The following OR2T27 variants were observed in gnomAD, a reference collection of about 807,000 sequenced individuals.
OR2T27 encodes olfactory receptor 2T27.
For synonymous variants in OR2T27, 51 were observed against 152.9 expected, an observed-to-expected ratio of 0.33 and a Z score of 4.92; for missense variants, 152 against 397.2, an observed-to-expected ratio of 0.38 and a Z score of 5.25.
Position 248,653,409 on chromosome 1 carries a change from C to T in OR2T27, c.-5+2035G>A, listed in dbSNP as rs1291387203. ...TAACTGTCTATGCATAATTCCAAAC[C>T]TTAGTAAACGTCCAGTTCTATGTAT... On this transcript the variant is annotated intron_variant, in intron 1 of 1. Coordinates refer to ENST00000460972, the MANE Select transcript of OR2T27 (RefSeq NM_001001824.2). 4.9e-5 allele frequency among the ~76,000 whole-genome samples: 7 copies of T among 142,196 alleles called. 1 individual carries two copies. The highest frequency in any genetic ancestry group is 9.4e-5 in the Non-Finnish European group (6 of 63,916). 93.3% of individuals were successfully genotyped at this position (142,196 alleles called of 152,430 possible).
intron 1 of OR2T27, among the ~76,000 whole-genome samples, chr1:248,653,369 C>CAG (rs1661060136): frequency 7.6e-6 from 1 of 132,138 alleles, no homozygotes; most frequent in Non-Finnish European, 1.7e-5. Flanking sequence ...CTGGATTATG[C>CAG]CATGCCCCAT....
At chr1:248,653,362 G>T (rs2103116865) in intron 1 of OR2T27, among the ~76,000 whole-genome samples, 1 of 132,802 alleles carries the variant, frequency 7.5e-6, no homozygotes, top group South Asian at 2.8e-4. Flanking sequence ...GAATCAACTG[G>T]ATTATGCCAT....
chr1:248,651,655 C>G (rs79533811), intron 1 of OR2T27: 1 of 71,370 alleles, frequency 1.4e-5, no homozygotes, highest in African/African-American at 2.8e-5. Flanking sequence ...AAGTATTAGA[C>G]CTAGTGTATC....
In OR2T27 at chr1:248,649,961, A is replaced by G. The variant is rs778705495; in HGVS notation, c.924T>C (p.Cys308=). 7.6e-6 allele frequency: 12 copies of G among 1,578,032 alleles called. 1 individual carries two copies. The South Asian group carries it at 1.2e-4, about 16-fold the overall frequency. ...TGALQKVVGR[C]VSSGKVTTF The stretch of plus-strand genomic sequence containing the variant: ...AAGTGGTTACCTTTCCTGAGGACAC[A>G]CACCTCCCCACAACCTTCTGTAGGG... Residue 308 remains cysteine (C), a synonymous_variant, in exon 2 of 2, where the codon TGT becomes TGC. Transcript: ENST00000460972.
intron 1 of OR2T27, among the ~76,000 whole-genome samples, chr1:248,652,617 G>C (rs1661045723): frequency 1.5e-5 from 1 of 65,668 alleles, no homozygotes; most frequent in African/African-American, 3.3e-5. Context: ...TGTGAACAAA[G>C]GACAATAAAA....
chr1:248,652,850 A>G (rs942994580), intron 1 of OR2T27, among the ~76,000 whole-genome samples: 11 of 150,992 alleles, frequency 7.3e-5, no homozygotes, highest in African/African-American at 2.7e-4. Flanking sequence ...TTTATAATGT[A>G]TCTTTATTAT....
intron 1 of OR2T27, among the ~76,000 whole-genome samples, chr1:248,655,233 AAAAGAT>A (rs1285819691): frequency 2.3e-5 from 1 of 43,442 alleles, no homozygotes; most frequent in African/African-American, 3.1e-5. Flanking sequence ...TGATGTACAG[AAAAGAT>A]AAGAGTCCAT....
intron 1 of OR2T27, among the ~76,000 whole-genome samples, chr1:248,652,910 C>CA (rs1312819239): frequency 6.8e-6 from 1 of 146,984 alleles, no homozygotes; most frequent in Non-Finnish European, 1.5e-5. Flanking sequence ...CATTTAGTAG[C>CA]AATTCGTATG....
At chr1:248,654,768 G>GA (rs1363348063) in intron 1 of OR2T27, among the ~76,000 whole-genome samples, 2 of 13,160 alleles carry the variant, frequency 1.5e-4, no homozygotes, top group African/African-American at 1.7e-4. Flanking sequence ...GGATTGTCTT[G>GA]AAGCAGACCA....
intron 1 of OR2T27, among the ~76,000 whole-genome samples, 194 bp downstream of exon 1, chr1:248,655,250 A>T (rs564339737): frequency 8.1e-6 from 1 of 124,146 alleles, no homozygotes; most frequent in South Asian, 3.3e-4. Flanking sequence ...AAGAGTCCAT[A>T]ACTACTAAGA....
chr1:248,651,154 T>C (rs1455508194), intron 1 of OR2T27, among the ~76,000 whole-genome samples: 1 of 73,452 alleles, frequency 1.4e-5, no homozygotes, highest in East Asian at 3.9e-4. Flanking sequence ...TTTCTGTCTT[T>C]CGAGTACCAC....
In OR2T27 at chr1:248,650,121, G is replaced by T. The variant is rs1203455708; in HGVS notation, c.764C>A (p.Ala255Asp). The change falls in exon 2 of 2, where the codon GCC becomes GAC. Residue 255 changes from alanine (A) to aspartate (D), a missense_variant. Coordinates refer to ENST00000460972, the MANE Select transcript of OR2T27 (RefSeq NM_001001824.2). Reference protein sequence around the residue: ...MVVVSLFYGAAMYTYVLPHSY... With the variant: ...MVVVSLFYGADMYTYVLPHSY... The stretch of plus-strand genomic sequence containing the variant: ...ATGAGGCAGCACGTATGTGTACATG[G>T]CAGCCCCATAGAAGAGGCTGACAAC... 1.1e-5 allele frequency: 17 copies of T among 1,567,912 alleles called. 2 individuals carry two copies. Among genetic ancestry groups the T allele is most frequent in the Non-Finnish European group, 1.5e-5 (17 of 1,148,666 alleles).
intron 1 of OR2T27, among the ~76,000 whole-genome samples, 167 bp downstream of exon 1, chr1:248,655,277 C>G (rs1309442455): frequency 7.7e-6 from 1 of 129,486 alleles, no homozygotes; most frequent in African/African-American, 2.6e-5. Context: ...ATTGAATTAT[C>G]TAAGATTTAT....
intron 1 of OR2T27, among the ~76,000 whole-genome samples, 165 bp from the exon 2 acceptor site, chr1:248,651,053 A>G (rs1293467432): frequency 4.5e-5 from 2 of 44,704 alleles, no homozygotes; most frequent in South Asian, 1.6e-3. Context: ...ACATCTCATT[A>G]TACCATCATT....
In OR2T27 at chr1:248,653,537, A is replaced by G. The variant is rs1418703069; in HGVS notation, c.-5+1907T>C. The stretch of plus-strand genomic sequence containing the variant: ...CACATTCACGTTGTTGAGTTTGCTT[A>G]TAATGCAAGTATTGTGAGGTGAATT... On this transcript the variant is annotated intron_variant, in intron 1 of 1. Transcript: ENST00000460972. Among the ~76,000 whole-genome samples the G allele has an allele frequency of 1.0e-3, 34 of 32,758 alleles. 5 individuals are homozygous for G. The highest frequency in any genetic ancestry group is 1.1e-3 in the African/African-American group (34 of 29,592). 21.5% of individuals were successfully genotyped at this position (32,758 alleles called of 152,430 possible).
intron 1 of OR2T27, among the ~76,000 whole-genome samples, chr1:248,655,213 T>C (rs887087224): frequency 2.5e-5 from 1 of 40,512 alleles, no homozygotes; most frequent in African/African-American, 3.2e-5. Context: ...TCAAGTAATC[T>C]GCTACATTCT....
chr1:248,650,918 A>T (rs778815995), intron 1 of OR2T27, 30 bp from the exon 2 acceptor site: 1 of 1,233,126 alleles, frequency 8.1e-7, no homozygotes, highest in Admixed American at 2.3e-5. Context: ...GATATGACAA[A>T]GTTGGAAAGG....
At chr1:248,651,977 T>A (rs1661027125) in intron 1 of OR2T27, among the ~76,000 whole-genome samples, 3 of 151,380 alleles carry the variant, frequency 2.0e-5, no homozygotes, top group Non-Finnish European at 2.9e-5. Context: ...TAATATAGAT[T>A]AAAATTAGTT....
chr1:248,652,280 A>C (rs1661037037), intron 1 of OR2T27, among the ~76,000 whole-genome samples: 1 of 150,998 alleles, frequency 6.6e-6, no homozygotes, highest in Non-Finnish European at 1.5e-5. Flanking sequence ...GTTTCCAAAC[A>C]ACTTTGTAAG....
Sources: gnomAD v4.1 joint callset for allele counts (sites outside exome capture counted in the v4.1 genomes callset) on GRCh38, gnomAD v4.1.1 for gene constraint, MANE v1.5 for transcripts, NCBI Gene and HGNC (gene_info 2026-07-23, HGNC 2026-07-21) for gene names.